Variants in SLC25A33 observed in about 807,000 individuals in gnomAD.
SLC25A33 encodes bone marrow stromal cell mitochondrial carrier protein.
SLC25A33 carries 15 observed loss-of-function variants against 35.5 expected under a neutral mutation model. That is an observed-to-expected ratio of 0.42 (90% CI 0.28 to 0.65). The LOEUF (loss-of-function observed/expected upper bound fraction) is 0.65, where lower values mean the gene tolerates loss of function less well. SLC25A33 is among the 30% of genes least tolerant of loss of function. The pLI, the probability that SLC25A33 is intolerant of heterozygous loss-of-function variation, is 0.20. For synonymous variants in SLC25A33, 136 were observed against 148.7 expected (o/e 0.91, Z 0.62); for missense variants, 257 against 398.5 (o/e 0.64, Z 3.02).
At chr1:9,541,733 TAA>T (rs763050739) in intron 1 of SLC25A33, among the ~76,000 whole-genome samples, 33 of 136,350 alleles carry the variant, frequency 2.4e-4, no homozygotes, top group Admixed American at 5.1e-4. Flanking sequence ...AAGGATCATT[TAA>T]AAAAAAAAAA....
Position 9,553,804 on chromosome 1 carries a change from A to G in SLC25A33, c.235A>G (p.Lys79Glu), listed in dbSNP as rs1405983708. Reference sequence around the variant, plus strand: ...GACACCTGGACTCTTTCAGGTTCTGAAGTAAGTTCAGTCTTGTCTGCTCCT... The same window carrying G: ...GACACCTGGACTCTTTCAGGTTCTGGAGTAAGTTCAGTCTTGTCTGCTCCT... The part of the protein sequence containing the change: ...SVTPGLFQVL[K>E]SILEKEGPKS... The change falls in exon 2 of 7, where the codon AAG (lysine) becomes GAG (glutamate). Residue 79 changes from lysine (K) to glutamate (E), a missense_variant and splice_region_variant. Transcript: ENST00000302692. 2 of 1,612,940 alleles carry G rather than the reference A, an allele frequency of 1.2e-6. No individual in the cohort carries two copies. The highest frequency in any genetic ancestry group is 1.7e-5 in the Admixed American group (1 of 59,824).
At chr1:9,560,690 CTATTCTGTTAAAGAAAAG>C (rs1197992400) in intron 2 of SLC25A33, among the ~76,000 whole-genome samples, 8 of 151,478 alleles carry the variant, frequency 5.3e-5, no homozygotes, top group African/African-American at 9.7e-5. Context: ...AAAATATTCT[CTATTCTGTTAAAGAAAAG>C]TATTCTGTTA....
Position 9,539,494 on chromosome 1 carries a change from C to A in SLC25A33, c.-198C>A, listed in dbSNP as rs1373366436. On this transcript the variant is annotated 5_prime_UTR_variant, in exon 1 of 7. Coordinates refer to ENST00000302692, the MANE Select transcript of SLC25A33 (RefSeq NM_032315.3). ...CCCCGCCGGGCTCGCGCCGCAGAGGCCGGTGAGGCGCCGGCGGCCACGCCG... is the reference window on the plus strand; with the variant it reads ...CCCCGCCGGGCTCGCGCCGCAGAGGACGGTGAGGCGCCGGCGGCCACGCCG... 4 of 216,998 alleles carry A rather than the reference C, an allele frequency of 1.8e-5. No individual in the cohort carries two copies. Among genetic ancestry groups the A allele is most frequent in the East Asian group, 1.2e-4 (1 of 8,246 alleles). The allele number at this position is 216,998 out of a possible 1,614,324, so 13.4% of individuals were successfully genotyped here.
At chr1:9,550,884 G>GCCTC in intron 1 of SLC25A33, among the ~76,000 whole-genome samples, 1 of 151,862 alleles carries the variant, frequency 6.6e-6, no homozygotes, top group South Asian at 2.1e-4. Flanking sequence ...TGACCTGTTG[G>GCCTC]CCAGGCTGGT....
At position 9,583,476 on chromosome 1, in the gene SLC25A33, T is replaced by C. The variant is rs570651069; in HGVS notation, c.*975T>C. ...ACTGTTTTATCAATGGCCTGGCTCC[T>C]GGATATAGTTCCGGAAGTTAAGACC... On this transcript the variant is annotated 3_prime_UTR_variant, in exon 7 of 7. Transcript: ENST00000302692. 1 of 152,342 alleles carries C rather than the reference T, an allele frequency of 6.6e-6. No homozygotes were observed. The highest frequency in any genetic ancestry group is 2.4e-5 in the African/African-American group (1 of 41,576). The allele number at this position is 152,342 out of a possible 1,614,324, so 9.4% of individuals were successfully genotyped here.
chr1:9,540,974 C>T (rs1032809039), intron 1 of SLC25A33, among the ~76,000 whole-genome samples: 4 of 151,976 alleles, frequency 2.6e-5, no homozygotes, highest in African/African-American at 9.7e-5. Flanking sequence ...TCCATGTCTC[C>T]ATTGAGACTT....
rs1478133504 is a variant in SLC25A33 at position 9,567,315 on chromosome 1, C to G, written c.268C>G (p.Leu90Val). 6.2e-7 allele frequency: 1 copy of G among 1,613,934 alleles called. No individual in the cohort carries two copies. The highest frequency in any genetic ancestry group is 8.5e-7 in the Non-Finnish European group (1 of 1,179,974). ...CTTGGAGAAAGAGGGACCAAAGTCACTTTTTAGAGGCTTGGGTCCAAATTT... is the reference window on the plus strand; with the variant it reads ...CTTGGAGAAAGAGGGACCAAAGTCAGTTTTTAGAGGCTTGGGTCCAAATTT... ...SILEKEGPKS[L>V]FRGLGPNLVG... The change falls in exon 3 of 7, where the codon CTT (leucine) becomes GTT (valine). Residue 90 changes from leucine (L) to valine (V), a missense_variant. Transcript: ENST00000302692.
intron 1 of SLC25A33, among the ~76,000 whole-genome samples, chr1:9,539,956 A>C (rs1211598868): frequency 3.9e-5 from 6 of 152,000 alleles, no homozygotes; most frequent in Admixed American, 2.6e-4. Flanking sequence ...TCCTGACCGC[A>C]GCCCCGAGGG....
chr1:9,542,943 C>T (rs766419314), intron 1 of SLC25A33, among the ~76,000 whole-genome samples: 1 of 151,530 alleles, frequency 6.6e-6, no homozygotes, highest in Non-Finnish European at 1.5e-5. Context: ...TCAGCCTCCC[C>T]GGTAGCTGGG....
At chr1:9,575,003 G>A (rs1312743058) in intron 5 of SLC25A33, among the ~76,000 whole-genome samples, 1 of 151,938 alleles carries the variant, frequency 6.6e-6, no homozygotes, top group East Asian at 1.9e-4. Context: ...CACGAGGTCA[G>A]GAGATCGAGA....
rs771266166 is a variant in SLC25A33, at chr1:9,573,384, G to C, written c.454G>C (p.Val152Leu). The C allele has an allele frequency of 2.2e-5, 35 of 1,611,156 alleles. No individual in the cohort carries two copies. The East Asian group carries it at 7.1e-4, about 33-fold the overall frequency. ...TNSLMNPIWM[V>L]KTRMQLEQKV... ...TTCCTTAATGAATCCTATATGGATG[G>C]TTAAAACCCGAATGCAGCTAGAACA... The change falls in exon 5 of 7, where the codon GTT becomes CTT. Residue 152 changes from valine to leucine, a missense_variant. Physicochemically the swap from Val to Leu is conservative, Grantham distance 32. Coordinates refer to ENST00000302692, the MANE Select transcript of SLC25A33 (RefSeq NM_032315.3).
At chr1:9,550,667 A>T (rs1174318348) in intron 1 of SLC25A33, among the ~76,000 whole-genome samples, 2 of 150,406 alleles carry the variant, frequency 1.3e-5, no homozygotes, top group African/African-American at 5.0e-5. Flanking sequence ...TATTTTTATT[A>T]ATTAATTAAT....
chr1:9,548,583 A>G (rs1316158231), intron 1 of SLC25A33, among the ~76,000 whole-genome samples: 3 of 152,228 alleles, frequency 2.0e-5, no homozygotes, highest in African/African-American at 4.8e-5. Flanking sequence ...CTCTGTCTCA[A>G]CAACAAAAAG....
At chr1:9,540,219 G>T (rs373332292) in intron 1 of SLC25A33, among the ~76,000 whole-genome samples, 2 of 152,160 alleles carry the variant, frequency 1.3e-5, no homozygotes, top group East Asian at 3.9e-4. Context: ...CGGGCAAAAA[G>T]GTCTGCGGAC....
intron 2 of SLC25A33, 139 bp downstream of exon 2, chr1:9,553,944 C>A: frequency 2.0e-6 from 2 of 1,020,378 alleles, no homozygotes; most frequent in Non-Finnish European, 2.8e-6. Flanking sequence ...ATTTCTTTAC[C>A]AATACCTTTG....
intron 2 of SLC25A33, among the ~76,000 whole-genome samples, chr1:9,557,030 T>A (rs1643354427): frequency 6.6e-6 from 1 of 152,142 alleles, no homozygotes; most frequent in Admixed American, 6.5e-5. Context: ...GCCTCCCAGG[T>A]TCAAGCGATT....
intron 2 of SLC25A33, among the ~76,000 whole-genome samples, chr1:9,554,330 T>C (rs1342368035): frequency 6.6e-6 from 1 of 152,036 alleles, no homozygotes; most frequent in South Asian, 2.1e-4. Context: ...CTCCCAGCCG[T>C]GAATATTTTT....
At chr1:9,565,457 A>G (rs925165013) in intron 2 of SLC25A33, among the ~76,000 whole-genome samples, 5 of 150,754 alleles carry the variant, frequency 3.3e-5, no homozygotes, top group Admixed American at 3.3e-4. Context: ...CGGAGCTTGC[A>G]GTGAGCTGAG....
At chr1:9,576,941 A>G in intron 5 of SLC25A33, 1 of 1,291,874 alleles carries the variant, frequency 7.7e-7, no homozygotes. Context: ...TGGGGATGGT[A>G]TCTATGTCTC....
Sources: allele counts gnomAD v4.1 joint callset (sites outside exome capture counted in the v4.1 genomes callset), GRCh38; gene constraint gnomAD v4.1.1; transcripts MANE v1.5; gene names NCBI Gene and HGNC (gene_info 2026-07-23, HGNC 2026-07-21).